Variants in MLXIP observed in about 807,000 individuals in gnomAD.
MLXIP encodes the protein MLX-interacting protein.
A neutral mutation model predicts 87.2 loss-of-function variants in MLXIP; 30 were observed. The ratio of observed to expected loss-of-function variants is 0.34; its 90% CI spans 0.26 to 0.47. The LOEUF (loss-of-function observed/expected upper bound fraction) is 0.47. Among genes scored for constraint, MLXIP ranks in the 20% least tolerant of loss-of-function variants. MLXIP has a pLI of 1.00. For synonymous variants in MLXIP, 530 were observed against 514.0 expected, an observed-to-expected ratio of 1.03 and a Z score of -0.42; for missense variants, 1,002 against 1,240.1, an observed-to-expected ratio of 0.81 and a Z score of 2.88.
chr12:122,138,721 TG>T, intron 14 of MLXIP, 93 bp from the exon 15 acceptor site: 1 of 1,527,034 alleles, frequency 6.5e-7, no homozygotes. Context: ...TGCCTGGCTG[TG>T]GCCCGGCACT....
At position 122,135,249 on chromosome 12, in the gene MLXIP, G is replaced by A. The variant is rs754210437; in HGVS notation, c.1758G>A (p.Ala586=). Residue 586 remains alanine (A), a synonymous_variant, in exon 10 of 17, where the codon GCG becomes GCA. Transcript: ENST00000319080. This position sits in a 1 kb window ranked among gnomAD's most constrained non-coding sequence, Gnocchi z 5.3. ...APAAFSGQPQ[A]VIMTSGPLKR... Reference sequence around the variant, plus strand: ...CTGCCTTTTCAGGCCAACCACAAGCGGTGATCATGACGTCAGGGCCTCTGA... The same window carrying A: ...CTGCCTTTTCAGGCCAACCACAAGCAGTGATCATGACGTCAGGGCCTCTGA... The A allele has an allele frequency of 6.8e-6, 11 of 1,613,424 alleles. No homozygotes were observed. Among genetic ancestry groups the A allele is most frequent in the African/African-American group, 1.3e-5 (1 of 74,928 alleles).
chr12:122,097,557 C>G (rs1952372883), intron 1 of MLXIP, among the ~76,000 whole-genome samples: 1 of 151,366 alleles, frequency 6.6e-6, no homozygotes, highest in Non-Finnish European at 1.5e-5. Context: ...AAGTTGGAGG[C>G]TGCTGAACTA....
rs1426082948 is a variant in MLXIP, at chr12:122,142,873, G to C, written c.*1061G>C. ...ATGTTGGCAGGCAGCACTCTGTGGT[G>C]GTCAGCCCTCAGAGCTGTTTCTAGG... On this transcript the variant is annotated 3_prime_UTR_variant, in exon 17 of 17. Transcript: ENST00000319080. 6.4e-6 allele frequency: 1 copy of C among 156,650 alleles called. No individual in the cohort carries two copies. The highest frequency in any genetic ancestry group is 1.4e-5 in the Non-Finnish European group (1 of 70,566). The allele number at this position is 156,650 out of a possible 1,614,324, so 9.7% of individuals were successfully genotyped here.
intron 1 of MLXIP, among the ~76,000 whole-genome samples, chr12:122,089,321 C>G (rs900635525): frequency 2.6e-5 from 4 of 152,144 alleles, no homozygotes; most frequent in Non-Finnish European, 5.9e-5. Context: ...TGATACTGAG[C>G]TTTTTAAAGA....
At chr12:122,121,813 TGA>T (rs2135959505) in intron 1 of MLXIP, among the ~76,000 whole-genome samples, 1 of 152,358 alleles carries the variant, frequency 6.6e-6, no homozygotes, top group Non-Finnish European at 1.5e-5. Context: ...AGAAAAGTTT[TGA>T]GAGAGACCTT....
In MLXIP at chr12:122,133,235, TTGTCCCTC is replaced by T. The variant is rs1259482245; in HGVS notation, c.1093-106_1093-99del. On this transcript the variant is annotated intron_variant, in intron 8 of 16. Transcript: ENST00000319080. This position sits in a 1 kb window ranked among gnomAD's most constrained non-coding sequence, Gnocchi z 4.9. Reference sequence around the variant, plus strand: ...AGCCATGGACGTGGAGACGTGGCCTTTGTCCCTCTGTCCCAGCGCCCGGCCTGTGTAGT... The same window carrying T: ...AGCCATGGACGTGGAGACGTGGCCTTTGTCCCAGCGCCCGGCCTGTGTAGT... 3.2e-6 allele frequency: 4 copies of T among 1,265,068 alleles called. No individual in the cohort carries two copies. Among genetic ancestry groups the T allele is most frequent in the Non-Finnish European group, 4.3e-6 (4 of 928,916 alleles). 78.4% of individuals were successfully genotyped at this position (1,265,068 alleles called of 1,614,324 possible).
At chr12:122,121,232 T>A (rs1412797389) in intron 1 of MLXIP, among the ~76,000 whole-genome samples, 1 of 149,980 alleles carries the variant, frequency 6.7e-6, no homozygotes, top group East Asian at 2.0e-4. Flanking sequence ...ATGGTCTTGA[T>A]CTCTTGACCT....
At chr12:122,112,075 T>TA (rs1227924517) in intron 1 of MLXIP, among the ~76,000 whole-genome samples, 2 of 152,324 alleles carry the variant, frequency 1.3e-5, no homozygotes, top group Admixed American at 1.3e-4. Context: ...TAACCTTACT[T>TA]AGATAGTAAA....
chr12:122,127,392 G>A (rs374725597), intron 2 of MLXIP, 30 bp downstream of exon 2: 12 of 1,542,574 alleles, frequency 7.8e-6, no homozygotes, highest in Middle Eastern at 1.8e-4. Context: ...GGCGCCGGTG[G>A]TGGTCAGAAC....
intron 6 of MLXIP, 88 bp downstream of exon 6, chr12:122,130,200 A>G: frequency 1.5e-6 from 2 of 1,332,614 alleles, no homozygotes; most frequent in Non-Finnish European, 2.1e-6. Flanking sequence ...CTTCAGGGCC[A>G]TCTCTGAGCT....
intron 5 of MLXIP, 109 bp downstream of exon 5, chr12:122,129,738 T>TGGTCTCA: frequency 7.0e-7 from 1 of 1,433,942 alleles, no homozygotes; most frequent in South Asian, 1.2e-5. Flanking sequence ...GGGCCCTCCC[T>TGGTCTCA]GGAGTCTCAG....
chr12:122,084,433 C>T (rs1008825755), intron 1 of MLXIP, among the ~76,000 whole-genome samples: 1 of 152,044 alleles, frequency 6.6e-6, no homozygotes, highest in Non-Finnish European at 1.5e-5. Context: ...GGAAAGAGTC[C>T]AGGTGACGAG....
chr12:122,085,482 C>T (rs372709430), intron 1 of MLXIP, among the ~76,000 whole-genome samples: 1 of 151,728 alleles, frequency 6.6e-6, no homozygotes, highest in African/African-American at 2.4e-5. Context: ...GGGCTCACTG[C>T]AACCTCCGCC....
intron 1 of MLXIP, among the ~76,000 whole-genome samples, chr12:122,090,377 A>G (rs1952227918): frequency 6.6e-6 from 1 of 152,048 alleles, no homozygotes; most frequent in Non-Finnish European, 1.5e-5. Flanking sequence ...CATGCCTGTA[A>G]TCCCAGCTAC....
At chr12:122,131,912 CTTTTTTTTTTTTTTTTTT>C (rs60691591) in intron 7 of MLXIP, among the ~76,000 whole-genome samples, 1 of 73,942 alleles carries the variant, frequency 1.4e-5, no homozygotes, top group Non-Finnish European at 2.4e-5. Flanking sequence ...TGGTTGGCAC[CTTTTTTTTTTTTTTTTTT>C]TTTTTTTTTT....
At chr12:122,125,819 C>T (rs1952872934) in intron 1 of MLXIP, among the ~76,000 whole-genome samples, 1 of 152,182 alleles carries the variant, frequency 6.6e-6, no homozygotes, top group South Asian at 2.1e-4. Flanking sequence ...GCCTGTATTG[C>T]CCAAAGCCTG....
intron 1 of MLXIP, among the ~76,000 whole-genome samples, chr12:122,099,941 T>C (rs1221011730): frequency 1.3e-5 from 2 of 152,144 alleles, no homozygotes; most frequent in Non-Finnish European, 2.9e-5. Flanking sequence ...TCTCTGCATT[T>C]GAATCAATAG....
intron 1 of MLXIP, among the ~76,000 whole-genome samples, chr12:122,081,409 C>T (rs1952089031): frequency 1.3e-5 from 2 of 152,090 alleles, no homozygotes; most frequent in African/African-American, 4.8e-5. Flanking sequence ...AGACAAATGA[C>T]TCAAAACCAG....
chr12:122,112,633 C>T (rs1326999455), intron 1 of MLXIP, among the ~76,000 whole-genome samples: 8 of 148,156 alleles, frequency 5.4e-5, no homozygotes, highest in East Asian at 2.0e-4. Flanking sequence ...GGCAACAGAG[C>T]GAGACTCCAT....
Sources: allele counts gnomAD v4.1 joint callset (sites outside exome capture counted in the v4.1 genomes callset), GRCh38; gene constraint gnomAD v4.1.1; non-coding constraint Gnocchi (gnomAD v3.1); transcripts MANE v1.5; gene names NCBI Gene and HGNC (gene_info 2026-07-23, HGNC 2026-07-21).